Variants in SFT2D1 observed in about 807,000 individuals in gnomAD.
SFT2D1 encodes the protein SFT2 domain containing 1.
In SFT2D1, 24 loss-of-function variants were observed where a neutral mutation model predicts 28.1. The ratio of observed to expected loss-of-function variants is 0.85; its 90% CI spans 0.62 to 1.20. The LOEUF (loss-of-function observed/expected upper bound fraction) is 1.20, where lower values mean the gene tolerates loss of function less well. Among genes scored for constraint, SFT2D1 ranks in the 50% most tolerant of loss-of-function variants. The pLI is 0.00. For missense variants in SFT2D1, 181 were observed against 190.9 expected, an observed-to-expected ratio of 0.95 and a Z score of 0.31; for synonymous variants, 82 against 73.7, an observed-to-expected ratio of 1.11 and a Z score of -0.58.
At chr6:166,328,130 T>G in intron 4 of SFT2D1, 146 bp downstream of exon 4, 1 of 369,402 alleles carries the variant, frequency 2.7e-6, no homozygotes. Context: ...ACAAGAAGTA[T>G]ACATACAACC....
chr6:166,336,434 C>G (rs1778652117), intron 1 of SFT2D1, among the ~76,000 whole-genome samples: 1 of 152,128 alleles, frequency 6.6e-6, no homozygotes, highest in African/African-American at 2.4e-5. Flanking sequence ...GTGTATCATC[C>G]ATAATTGTAT....
intron 6 of SFT2D1, 56 bp from the exon 7 acceptor site, chr6:166,322,942 T>C (rs1335074241): frequency 1.4e-6 from 2 of 1,444,752 alleles, no homozygotes; most frequent in Non-Finnish European, 1.9e-6. Context: ...TTTTCCTTTA[T>C]GCCAAAAGGC....
At chr6:166,330,343 G>GA (rs1778528087) in intron 1 of SFT2D1, 96 bp from the exon 2 acceptor site, 50 of 770,424 alleles carry the variant, frequency 6.5e-5, no homozygotes. Flanking sequence ...CACATAGTCT[G>GA]AATCATTTAT....
At chr6:166,330,896 C>G (rs1448114601) in intron 1 of SFT2D1, among the ~76,000 whole-genome samples, 1 of 152,244 alleles carries the variant, frequency 6.6e-6, no homozygotes, top group Non-Finnish European at 1.5e-5. Context: ...CCAGCAGAGA[C>G]GATCACAGCA....
chr6:166,338,122 T>C (rs1778694044), intron 1 of SFT2D1, among the ~76,000 whole-genome samples: 1 of 152,174 alleles, frequency 6.6e-6, no homozygotes. Context: ...AAGTCTAAGG[T>C]ATTTTATTAC....
intron 5 of SFT2D1, among the ~76,000 whole-genome samples, chr6:166,324,915 T>C (rs1475617772): frequency 6.6e-6 from 1 of 152,232 alleles, no homozygotes. Flanking sequence ...TGTTAACTTA[T>C]CTAGAATCGA....
At chr6:166,329,235 C>A (rs146854877) in intron 3 of SFT2D1, among the ~76,000 whole-genome samples, 2 of 152,224 alleles carry the variant, frequency 1.3e-5, no homozygotes, top group Admixed American at 6.5e-5. Context: ...GCCTACCTCA[C>A]AAGCTCGTCA....
intron 1 of SFT2D1, among the ~76,000 whole-genome samples, chr6:166,335,856 G>A (rs545414065): frequency 1.5e-4 from 23 of 152,318 alleles, no homozygotes; most frequent in African/African-American, 5.3e-4. Flanking sequence ...CAAGCACAGT[G>A]GTGGCAGAGC....
intron 4 of SFT2D1, among the ~76,000 whole-genome samples, 173 bp from the exon 5 acceptor site, chr6:166,326,340 C>G (rs1778444626): frequency 6.6e-6 from 1 of 152,208 alleles, no homozygotes; most frequent in African/African-American, 2.4e-5. Flanking sequence ...ACTTTAAAGT[C>G]TATGACTGCA....
At position 166,342,524 on chromosome 6, in the gene SFT2D1, C is replaced by A. The variant is rs1363530387; in HGVS notation, c.-43G>T. The A allele has an allele frequency of 2.0e-6, 3 of 1,480,420 alleles. No homozygotes were observed. Among genetic ancestry groups the A allele is most frequent in the East Asian group, 2.5e-5 (1 of 40,274 alleles). The allele number at this position is 1,480,420 out of a possible 1,614,324, so 91.7% of individuals were successfully genotyped here. ...GTAGCGGCCGCCACTCTGTTGCCTG[C>A]CCCTGACGCCCACCAGGAAACCCCG... On this transcript the variant is annotated 5_prime_UTR_variant, in exon 1 of 8. Transcript: ENST00000361731.
rs749713411 is a variant in SFT2D1, at chr6:166,329,590, CTAAGT to C, written c.151-6_151-2del. The C allele has an allele frequency of 1.2e-6, 2 of 1,602,148 alleles. No homozygotes were observed. The highest frequency in any genetic ancestry group is 3.4e-5 in the Admixed American group (2 of 59,546). On this transcript the variant is annotated splice_acceptor_variant and splice_polypyrimidine_tract_variant and intron_variant, in intron 2 of 7. Coordinates refer to ENST00000361731, the MANE Select transcript of SFT2D1 (RefSeq NM_145169.3). LOFTEE classifies it high-confidence loss of function. ...CCGGAAGCCACAGCAATCCAGTTCC[CTAAGT>C]TAAGATATTATAGTTATTTTAAAAT...
intron 4 of SFT2D1, among the ~76,000 whole-genome samples, chr6:166,326,391 G>A (rs1375595407): frequency 1.3e-5 from 2 of 152,318 alleles, no homozygotes; most frequent in South Asian, 2.1e-4. Flanking sequence ...AATTTAATCT[G>A]TTAAGTAAAC....
At chr6:166,332,340 C>T (rs532244699) in intron 1 of SFT2D1, among the ~76,000 whole-genome samples, 2 of 152,142 alleles carry the variant, frequency 1.3e-5, no homozygotes, top group South Asian at 2.1e-4. Context: ...ATGCAACCTC[C>T]GCCTCCCAGG....
chr6:166,341,175 G>A (rs188798362), intron 1 of SFT2D1, among the ~76,000 whole-genome samples: 356 of 152,222 alleles, frequency 2.3e-3, no homozygotes, highest in African/African-American at 8.1e-3. Context: ...TCCAGGCGCA[G>A]TGGCTCAAGC....
intron 7 of SFT2D1, 148 bp downstream of exon 7, chr6:166,322,709 A>C: frequency 1.5e-6 from 1 of 684,104 alleles, no homozygotes; most frequent in Non-Finnish European, 2.5e-6. Flanking sequence ...AAAAAAAAAA[A>C]AAGTATGTTT....
At chr6:166,334,366 A>G (rs1252273244) in intron 1 of SFT2D1, among the ~76,000 whole-genome samples, 2 of 152,260 alleles carry the variant, frequency 1.3e-5, no homozygotes, top group Non-Finnish European at 2.9e-5. Flanking sequence ...AAGCTGAGGC[A>G]GGCGGATTGC....
chr6:166,320,395 T>C, intron 7 of SFT2D1, 139 bp from the exon 8 acceptor site: 1 of 651,396 alleles, frequency 1.5e-6, no homozygotes, highest in South Asian at 2.0e-5. Context: ...AAAAACTTTG[T>C]TCAGTATCAT....
At position 166,330,147 on chromosome 6, in the gene SFT2D1, A is replaced by G; in HGVS notation, c.150+14T>C. Reference sequence around the variant, plus strand: ...AAAATAAAAATTATTAAACAATATAAAGCCTTAACTCACAAGAATAGAAAA... The same window carrying G: ...AAAATAAAAATTATTAAACAATATAGAGCCTTAACTCACAAGAATAGAAAA... On this transcript the variant is annotated intron_variant, in intron 2 of 7. Coordinates refer to ENST00000361731, the MANE Select transcript of SFT2D1 (RefSeq NM_145169.3). 6.5e-7 allele frequency: 1 copy of G among 1,548,416 alleles called. No homozygotes were observed. Among genetic ancestry groups the G allele is most frequent in the Non-Finnish European group, 8.7e-7 (1 of 1,151,848 alleles).
At chr6:166,336,549 A>T (rs1778654467) in intron 1 of SFT2D1, among the ~76,000 whole-genome samples, 1 of 152,166 alleles carries the variant, frequency 6.6e-6, no homozygotes, top group Non-Finnish European at 1.5e-5. Flanking sequence ...GAAGTCCATG[A>T]TCAAGGCGCC....
Sources: allele counts gnomAD v4.1 joint callset (sites outside exome capture counted in the v4.1 genomes callset), GRCh38; gene constraint gnomAD v4.1.1; transcripts MANE v1.5; gene names NCBI Gene and HGNC (gene_info 2026-07-23, HGNC 2026-07-21).